Variants in ABR observed in about 807,000 individuals in gnomAD.
The protein encoded by ABR is ABR activator of RhoGEF and GTPase, also known as active breakpoint cluster region-related protein.
In ABR, 35 loss-of-function variants were observed where a neutral mutation model predicts 107.2. The observed-to-expected ratio is 0.33, with a 90% CI of 0.25 to 0.43. The LOEUF (loss-of-function observed/expected upper bound fraction) is 0.43, where lower values mean the gene tolerates loss of function less well. Among genes scored for constraint, ABR ranks in the 20% least tolerant of loss-of-function variants. The pLI, the probability that ABR is intolerant of heterozygous loss-of-function variation, is 1.00. For missense variants in ABR, 815 were observed against 1,115.2 expected (o/e 0.73, Z 3.83); for synonymous variants, 498 against 462.0 (o/e 1.08, Z -1.00).
At position 1,050,458 on chromosome 17, in the gene ABR, G is replaced by A; in HGVS notation, c.1659+79C>T. ...TGCAGACATAGCTGGTCCAACCAAT[G>A]GGCTGGCCGTCCCCAGCAGACAAGC... On this transcript the variant is annotated intron_variant, in intron 15 of 22. Coordinates refer to ENST00000302538, the MANE Select transcript of ABR (RefSeq NM_021962.5). The surrounding 1 kb of genome is among the most constrained non-coding windows in gnomAD (Gnocchi z 4.6). 7.5e-7 allele frequency: 1 copy of A among 1,340,828 alleles called. No homozygotes were observed. The highest frequency in any genetic ancestry group is 1.1e-6 in the Non-Finnish European group (1 of 932,900). 83.1% of individuals were successfully genotyped at this position (1,340,828 alleles called of 1,614,324 possible).
chr17:1,108,967 G>A (rs777737872), intron 2 of ABR: 4 of 1,596,640 alleles, frequency 2.5e-6, no homozygotes, highest in Admixed American at 3.4e-5. Flanking sequence ...ACCCTGAGCC[G>A]GGGCTGGTCG....
intron 5 of ABR, among the ~76,000 whole-genome samples, chr17:1,082,410 G>A (rs1157381895): frequency 1.3e-5 from 2 of 152,080 alleles, no homozygotes; most frequent in Non-Finnish European, 2.9e-5. Context: ...TGGGCCTCAG[G>A]AGCAGAAGCA....
At position 1,148,478 on chromosome 17, in the gene ABR, C is replaced by T. The variant is rs532930540; in HGVS notation, c.62-23111G>A. ...GTTGTTCAATACAGGGGTCCCCAGC[C>T]CCCCCGGGCATGGACCGGCACCAGT... On this transcript the variant is annotated intron_variant, in intron 1 of 22. Coordinates refer to ENST00000302538, the MANE Select transcript of ABR (RefSeq NM_021962.5). This position sits in a 1 kb window ranked among gnomAD's most constrained non-coding sequence, Gnocchi z 4.9. Among the ~76,000 whole-genome samples, 290 of 152,236 alleles carry T rather than the reference C, an allele frequency of 1.9e-3. No homozygotes were observed. Among genetic ancestry groups the T allele is most frequent in the African/African-American group, 6.5e-3 (271 of 41,550 alleles).
chr17:1,065,491 T>G lies in ABR; in HGVS notation c.1182+1586A>C, dbSNP rs1386275464. Among the ~76,000 whole-genome samples, 4 of 120,796 alleles carry G rather than the reference T, an allele frequency of 3.3e-5. No individual in the cohort carries two copies. In the Admixed American group the frequency reaches 3.5e-4, roughly 10 times the overall value. 79.2% of individuals were successfully genotyped at this position (120,796 alleles called of 152,430 possible). On this transcript the variant is annotated intron_variant, in intron 10 of 22. Coordinates refer to ENST00000302538, the MANE Select transcript of ABR (RefSeq NM_021962.5). Reference sequence around the variant, plus strand: ...CATGTTCCTCTAGACGCTGTTGTTATGTGAACTGAGGGCTATGCATGTTCC... The same window carrying G: ...CATGTTCCTCTAGACGCTGTTGTTAGGTGAACTGAGGGCTATGCATGTTCC...
Position 1,071,233 on chromosome 17 carries a change from A to C in ABR, c.895-1143T>G, listed in dbSNP as rs1405651972. Among the ~76,000 whole-genome samples the C allele has an allele frequency of 2.6e-5, 4 of 152,162 alleles. No individual in the cohort carries two copies. The highest frequency in any genetic ancestry group is 1.3e-4 in the Admixed American group (2 of 15,288). ...AGATTTTTCAGATATCCCCAGAGTAAAACAGACGACGGGATCCCCAGACGC... is the reference window on the plus strand; with the variant it reads ...AGATTTTTCAGATATCCCCAGAGTACAACAGACGACGGGATCCCCAGACGC... On this transcript the variant is annotated intron_variant, in intron 8 of 22. Transcript: ENST00000302538. This position sits in a 1 kb window ranked among gnomAD's most constrained non-coding sequence, Gnocchi z 5.1.
chr17:1,141,950 G>C (rs553892731), intron 1 of ABR, among the ~76,000 whole-genome samples: 5 of 152,046 alleles, frequency 3.3e-5, no homozygotes, highest in Admixed American at 3.3e-4. Flanking sequence ...TAGAGGTAGG[G>C]TTTCACCATG....
chr17:1,168,399 G>A (rs571512158), intron 1 of ABR, among the ~76,000 whole-genome samples: 55 of 152,362 alleles, frequency 3.6e-4, no homozygotes, highest in Middle Eastern at 3.4e-3. Flanking sequence ...CTCGAATCAG[G>A]CCTGGAGGAC....
At chr17:1,044,471 G>T (rs568117066) in intron 16 of ABR, among the ~76,000 whole-genome samples, 5 of 152,108 alleles carry the variant, frequency 3.3e-5, no homozygotes, top group Non-Finnish European at 5.9e-5. Context: ...TCAACATGGT[G>T]AAACCCTGTC....
chr17:1,153,991 C>T (rs965364926), intron 1 of ABR: 1 of 166,822 alleles, frequency 6.0e-6, no homozygotes, highest in Admixed American at 6.4e-5. Context: ...CAGCGAGCAG[C>T]TCCAACTCAG....
At chr17:1,080,479 G>A (rs1437714427) in intron 5 of ABR, among the ~76,000 whole-genome samples, 1 of 152,162 alleles carries the variant, frequency 6.6e-6, no homozygotes, top group South Asian at 2.1e-4. Context: ...GGCAGACGGA[G>A]CACACGGAGC....
intron 2 of ABR, among the ~76,000 whole-genome samples, chr17:1,111,986 C>A (rs1398396775): frequency 6.6e-6 from 1 of 152,192 alleles, no homozygotes; most frequent in Admixed American, 6.5e-5. Context: ...TTAGTGCGGC[C>A]GCCATCTTAC....
chr17:1,008,273 T>C (rs1182617218), intron 21 of ABR, among the ~76,000 whole-genome samples: 1 of 152,164 alleles, frequency 6.6e-6, no homozygotes, highest in African/African-American at 2.4e-5. Flanking sequence ...TCCTTCAGTC[T>C]CAAAAAATGT....
Position 1,072,599 on chromosome 17 carries a change from G to T in ABR, c.894+15C>A. On this transcript the variant is annotated intron_variant, in intron 8 of 22. Coordinates refer to ENST00000302538, the MANE Select transcript of ABR (RefSeq NM_021962.5). ...CTCAGCCTGGGTGAGGGGCCGTGCC[G>T]GGCTCTGAGCTCACCTCCCCCTTGG... 1 of 1,595,488 alleles carries T rather than the reference G, an allele frequency of 6.3e-7. No homozygotes were observed. The highest frequency in any genetic ancestry group is 2.3e-5 in the East Asian group (1 of 44,212).
At chr17:1,022,106 C>CAAAAAAAAAAAAAAAAAA (rs759234729) in intron 16 of ABR, among the ~76,000 whole-genome samples, 67 of 39,206 alleles carry the variant, frequency 1.7e-3, no homozygotes, top group East Asian at 7.4e-3. Flanking sequence ...GACTCTGTCT[C>CAAAAAAAAAAAAAAAAAA]AAAAAAAAAA....
At chr17:1,067,394 G>C (rs2034843175) in intron 9 of ABR, 152 bp from the exon 10 acceptor site, 1 of 805,224 alleles carries the variant, frequency 1.2e-6, no homozygotes, top group Non-Finnish European at 1.9e-6. Context: ...GCCTGATTGG[G>C]AAACACACAC....
chr17:1,013,643 G>A (rs1207969463), intron 16 of ABR, among the ~76,000 whole-genome samples: 11 of 152,228 alleles, frequency 7.2e-5, no homozygotes, highest in African/African-American at 1.7e-4. Flanking sequence ...AGGAGCCCGC[G>A]CACAGGAGGC....
intron 10 of ABR, among the ~76,000 whole-genome samples, chr17:1,059,679 A>C (rs2095025639): frequency 6.6e-6 from 1 of 152,100 alleles, no homozygotes; most frequent in Non-Finnish European, 1.5e-5. Flanking sequence ...CAATGTTCCA[A>C]GTTTCTGTCT....
intron 1 of ABR, among the ~76,000 whole-genome samples, chr17:1,136,818 A>G (rs1461607880): frequency 6.6e-6 from 1 of 151,794 alleles, no homozygotes; most frequent in Non-Finnish European, 1.5e-5. Flanking sequence ...TTATCCGACC[A>G]CTCAAACTTT....
At chr17:1,116,737 C>G (rs1036321522) in intron 2 of ABR, among the ~76,000 whole-genome samples, 9 of 152,120 alleles carry the variant, frequency 5.9e-5, no homozygotes, top group Non-Finnish European at 1.0e-4. Context: ...ATCTACTAAA[C>G]GGGGGCAGCC....
Sources: allele counts gnomAD v4.1 joint callset (sites outside exome capture counted in the v4.1 genomes callset), GRCh38; gene constraint gnomAD v4.1.1; non-coding constraint Gnocchi (gnomAD v3.1); transcripts MANE v1.5; gene names NCBI Gene and HGNC (gene_info 2026-07-23, HGNC 2026-07-21).